Variants in ANKS3 observed in about 807,000 individuals in gnomAD.
The protein encoded by ANKS3 is ankyrin repeat and sterile alpha motif domain containing 3.
ANKS3 carries 62 observed loss-of-function variants against 80.7 expected under a neutral mutation model. The observed-to-expected ratio is 0.77, with a 90% confidence interval of 0.63 to 0.95. The LOEUF (loss-of-function observed/expected upper bound fraction) is 0.95, where lower values mean the gene tolerates loss of function less well. ANKS3 is among the 40% of genes least tolerant of loss of function. The probability of loss-of-function intolerance (pLI) is 0.00; values close to 1 mark genes in which losing one functional copy is unlikely to be tolerated. For missense variants in ANKS3, 1,150 were observed against 883.6 expected (o/e 1.30, Z -3.82); for synonymous variants, 489 against 355.3 (o/e 1.38, Z -4.23).
chr16:4,729,137 A>G (rs769402286), intron 3 of ANKS3, among the ~76,000 whole-genome samples: 4 of 152,202 alleles, frequency 2.6e-5, no homozygotes, highest in Admixed American at 1.3e-4. Context: ...ACATCCTACT[A>G]TGGGCAAGAC....
chr16:4,716,491 G>A (rs1371806960), intron 6 of ANKS3, among the ~76,000 whole-genome samples: 5 of 152,118 alleles, frequency 3.3e-5, no homozygotes, highest in Non-Finnish European at 7.4e-5. Flanking sequence ...GGGAGGCAGA[G>A]GTGGTCTCTG....
chr16:4,705,599 C>T (rs764798115), intron 7 of ANKS3, among the ~76,000 whole-genome samples: 4 of 151,960 alleles, frequency 2.6e-5, no homozygotes, highest in East Asian at 3.9e-4. Context: ...CAAGTAGCTG[C>T]GGTTACAGAT....
At chr16:4,726,348 A>C (rs2081351153) in intron 5 of ANKS3, among the ~76,000 whole-genome samples, 1 of 152,230 alleles carries the variant, frequency 6.6e-6, no homozygotes. Flanking sequence ...TTTGCATGTA[A>C]TGTATGACAT....
chr16:4,721,057 G>C (rs1311852673), intron 6 of ANKS3, among the ~76,000 whole-genome samples: 2 of 149,734 alleles, frequency 1.3e-5, no homozygotes, highest in South Asian at 2.1e-4. Context: ...TGTAATCCCA[G>C]CACTTTGGGA....
intron 6 of ANKS3, among the ~76,000 whole-genome samples, chr16:4,715,026 C>T (rs2080718210): frequency 7.2e-6 from 1 of 139,640 alleles, no homozygotes; most frequent in Admixed American, 7.1e-5. Context: ...GGATGTTTGG[C>T]ACAGCATATT....
rs778536183 is a variant in ANKS3, at chr16:4,699,076, C to T, written c.1385G>A (p.Ser462Asn). ...DLRIFLTLTE[S>N]DLKEIGITLF... ...CGTGATGCCAATTTCCTTCAGGTCG[C>T]TCTCAGTGAGGGTCAGAAAGATGCG... The change falls in exon 12 of 18, where the codon AGC (serine) becomes AAC (asparagine). Residue 462 changes from serine to asparagine, a missense_variant. Transcript: ENST00000304283. 2 of 1,614,168 alleles carry T rather than the reference C, an allele frequency of 1.2e-6. No homozygotes were observed. Among genetic ancestry groups the T allele is most frequent in the Non-Finnish European group, 1.7e-6 (2 of 1,180,052 alleles).
intron 6 of ANKS3, among the ~76,000 whole-genome samples, chr16:4,723,867 C>A (rs1596443957): frequency 1.3e-5 from 2 of 151,730 alleles, no homozygotes; most frequent in African/African-American, 4.8e-5. Flanking sequence ...GCCTGCACAA[C>A]ATACTGAGAC....
intron 8 of ANKS3, among the ~76,000 whole-genome samples, chr16:4,704,882 A>C (rs765934526): frequency 1.6e-4 from 25 of 152,222 alleles, no homozygotes; most frequent in Non-Finnish European, 3.4e-4. Context: ...CCAGGAGATA[A>C]AGCAAAAAAC....
intron 6 of ANKS3, chr16:4,717,666 G>C (rs958345189): frequency 6.6e-6 from 1 of 152,130 alleles, no homozygotes; most frequent in Non-Finnish European, 1.5e-5. Context: ...ATATATTTTT[G>C]GTTTTGTTTT....
At chr16:4,714,250 G>T in intron 6 of ANKS3, 64 bp from the exon 7 acceptor site, 1 of 1,591,990 alleles carries the variant, frequency 6.3e-7, no homozygotes, top group South Asian at 1.1e-5. Flanking sequence ...TTCCTGGGCT[G>T]CTGGCTGGGA....
At chr16:4,707,469 A>C (rs1344940085) in intron 7 of ANKS3, among the ~76,000 whole-genome samples, 1 of 151,932 alleles carries the variant, frequency 6.6e-6, no homozygotes, top group Non-Finnish European at 1.5e-5. Flanking sequence ...TTGAGTAGAG[A>C]CAAGGTTTCA....
chr16:4,708,868 G>GGTT, intron 7 of ANKS3, among the ~76,000 whole-genome samples: 1 of 151,968 alleles, frequency 6.6e-6, no homozygotes, highest in Non-Finnish European at 1.5e-5. Flanking sequence ...GAACCTGGGA[G>GGTT]GCGGGGGTTG....
At chr16:4,720,355 G>C (rs1235939083) in intron 6 of ANKS3, among the ~76,000 whole-genome samples, 2 of 150,226 alleles carry the variant, frequency 1.3e-5, no homozygotes, top group Admixed American at 6.7e-5. Flanking sequence ...CCAGCTACTC[G>C]GGAGGCTGAG....
chr16:4,705,359 AAGG>A (rs1412650059), intron 7 of ANKS3, 106 bp from the exon 8 acceptor site: 17 of 1,371,574 alleles, frequency 1.2e-5, no homozygotes, highest in Admixed American at 6.5e-5. Context: ...TTGTTAAATT[AAGG>A]AGAAGGGTAT....
At chr16:4,715,988 C>G (rs1024801227) in intron 6 of ANKS3, among the ~76,000 whole-genome samples, 1 of 151,964 alleles carries the variant, frequency 6.6e-6, no homozygotes, top group African/African-American at 2.4e-5. Context: ...GAAAACAGAG[C>G]GCCTCCCGCC....
intron 7 of ANKS3, among the ~76,000 whole-genome samples, chr16:4,711,392 C>T (rs951648516): frequency 1.3e-5 from 2 of 151,630 alleles, no homozygotes; most frequent in African/African-American, 2.4e-5. Context: ...CATAAGCCAC[C>T]GCGCCTGGCC....
At chr16:4,709,859 A>G (rs2080392835) in intron 7 of ANKS3, among the ~76,000 whole-genome samples, 1 of 152,090 alleles carries the variant, frequency 6.6e-6, no homozygotes. Context: ...AAAAAATAAA[A>G]CATTAGCCAG....
At chr16:4,708,936 C>T (rs529853697) in intron 7 of ANKS3, among the ~76,000 whole-genome samples, 42 of 148,238 alleles carry the variant, frequency 2.8e-4, no homozygotes, top group Admixed American at 2.7e-4. Context: ...GAGACTCTGT[C>T]TCAAAAAAAA....
chr16:4,722,483 G>A (rs1404535364), intron 6 of ANKS3, among the ~76,000 whole-genome samples: 1 of 151,186 alleles, frequency 6.6e-6, no homozygotes, highest in Non-Finnish European at 1.5e-5. Flanking sequence ...GGCTGAGGCA[G>A]GACAATCTCT....
Sources: gnomAD v4.1 joint callset for allele counts (sites outside exome capture counted in the v4.1 genomes callset) on GRCh38, gnomAD v4.1.1 for gene constraint, MANE v1.5 for transcripts, NCBI Gene and HGNC (gene_info 2026-07-23, HGNC 2026-07-21) for gene names.